The following CCDC125 variants were observed in gnomAD, a reference collection of about 807,000 sequenced individuals.
The protein encoded by CCDC125 is coiled-coil domain containing 125, also known as coiled-coil domain-containing protein 125.
CCDC125 carries 43 observed loss-of-function variants against 57.4 expected under a neutral mutation model. The observed-to-expected ratio is 0.75, with a 90% CI of 0.59 to 0.97. The LOEUF is 0.97. Ranked by LOEUF, CCDC125 falls within the 50% of genes least tolerant of loss-of-function variation. The pLI is 0.00. For missense variants in CCDC125, 563 were observed against 595.7 expected (o/e 0.95, Z 0.57); for synonymous variants, 187 against 195.2 (o/e 0.96, Z 0.35).
intron 7 of CCDC125, among the ~76,000 whole-genome samples, chr5:69,303,487 C>T (rs1233685824): frequency 6.6e-6 from 1 of 150,970 alleles, no homozygotes; most frequent in African/African-American, 2.4e-5. Context: ...GCCTCAGCCT[C>T]CTGAGTAGCT....
chr5:69,285,352 C>T lies in CCDC125; in HGVS notation c.1215G>A (p.Lys405=), dbSNP rs200502834. The stretch of plus-strand genomic sequence containing the variant: ...AGACACTAACCAAATCTATGAGCAT[C>T]TTAAGGACCTCTTGAGGACTGTCCT... ...EDQDSPQEVL[K]MLIDLLNDKE... is the part of the protein sequence containing the mutation. Residue 405 remains lysine, a synonymous_variant, in exon 11 of 12, where the codon AAG becomes AAA. Transcript: ENST00000396496. 30 of 1,610,322 alleles carry T rather than the reference C, an allele frequency of 1.9e-5. No homozygotes were observed. The highest frequency in any genetic ancestry group is 8.5e-5 in the Admixed American group (5 of 58,598).
downstream of CCDC125, chr5:69,277,075 CT>C (rs199570737): frequency 9.0e-4 from 1,282 of 1,428,614 alleles, no homozygotes; most frequent in South Asian, 2.1e-3. Flanking sequence ...ATGTGAACAA[CT>C]TTTTTTTTTC....
At chr5:69,322,425 T>C (rs1760174797) in intron 1 of CCDC125, among the ~76,000 whole-genome samples, 1 of 152,134 alleles carries the variant, frequency 6.6e-6, no homozygotes, top group Admixed American at 6.5e-5. Context: ...TGTATTTCCT[T>C]GGATCCTCAA....
chr5:69,313,820 A>G (rs1758553320), intron 3 of CCDC125, 165 bp downstream of exon 3: 6 of 831,540 alleles, frequency 7.2e-6, no homozygotes, highest in Non-Finnish European at 1.1e-5. Context: ...ACACAACTTC[A>G]TGTCGTTGAA....
intron 6 of CCDC125, among the ~76,000 whole-genome samples, chr5:69,305,864 T>G (rs543553796): frequency 1.0e-3 from 155 of 152,316 alleles, no homozygotes; most frequent in African/African-American, 3.6e-3. Context: ...TGTCTTTATT[T>G]TTATTCCCAC....
intron 8 of CCDC125, among the ~76,000 whole-genome samples, chr5:69,299,338 T>C (rs972236287): frequency 7.9e-5 from 12 of 152,136 alleles, no homozygotes; most frequent in Non-Finnish European, 2.9e-5. Context: ...CTCGATCTCC[T>C]GACCTTGTGA....
chr5:69,305,711 G>A (rs1353065570), intron 6 of CCDC125, among the ~76,000 whole-genome samples: 1 of 152,156 alleles, frequency 6.6e-6, no homozygotes, highest in African/African-American at 2.4e-5. Context: ...AGTTGTGCAA[G>A]CCTGCACCGA....
chr5:69,323,677 C>T (rs1266422744), intron 1 of CCDC125: 2 of 152,136 alleles, frequency 1.3e-5, no homozygotes, highest in Non-Finnish European at 2.9e-5. Flanking sequence ...AGCAGGACTC[C>T]ACAGCAGATA....
chr5:69,273,154 TTTTTG>T, the CCDC125 span: 9 of 763,252 alleles, frequency 1.2e-5, no homozygotes, highest in Non-Finnish European at 1.8e-5. Flanking sequence ...GAAAGATGTG[TTTTTG>T]TTTTAAGAAA....
intron 3 of CCDC125, among the ~76,000 whole-genome samples, chr5:69,312,596 C>G (rs1310409581): frequency 6.6e-6 from 1 of 152,024 alleles, no homozygotes; most frequent in Non-Finnish European, 1.5e-5. Context: ...GCCACACATA[C>G]GGGGAAGGCC....
chr5:69,301,033 G>T (rs1756337473), intron 7 of CCDC125, among the ~76,000 whole-genome samples: 1 of 141,674 alleles, frequency 7.1e-6, no homozygotes. Flanking sequence ...CCAGGAAGTT[G>T]CAGTGAGGTG....
chr5:69,330,263 A>G (rs900152691), intron 1 of CCDC125, among the ~76,000 whole-genome samples: 3 of 152,052 alleles, frequency 2.0e-5, no homozygotes, highest in Admixed American at 2.0e-4. Context: ...CACATCTCCA[A>G]CTGGATATTC....
At chr5:69,283,166 A>T (rs1330633004) in intron 11 of CCDC125, 132 bp from the exon 12 acceptor site, 1 of 648,960 alleles carries the variant, frequency 1.5e-6, no homozygotes, top group Non-Finnish European at 2.5e-6. Context: ...ATCAGTATGA[A>T]TAAATTAGGT....
chr5:69,323,904 C>G (rs931624285), intron 1 of CCDC125: 5 of 152,098 alleles, frequency 3.3e-5, no homozygotes, highest in Admixed American at 1.3e-4. Flanking sequence ...CATTTCAAAA[C>G]AGCTGCTTTG....
At position 69,285,443 on chromosome 5, in the gene CCDC125, T is replaced by G. The variant is rs1381509517; in HGVS notation, c.1124A>C (p.Lys375Thr). Residue 375 changes from lysine (K) to threonine (T), a missense_variant, in exon 11 of 12, where the codon AAG (lysine) becomes ACG (threonine). Coordinates refer to ENST00000396496, the MANE Select transcript of CCDC125 (RefSeq NM_176816.5). ...EDGFPSPRSK[K>T]TFGQRLLGML... is the part of the protein sequence containing the mutation. ...ACCCAACAGTCTCTGCCCGAAGGTC[T>G]TCTTACTCCTTGGTGATGGAAATCC... is the stretch of plus-strand genomic sequence containing the variant. 3 of 1,601,240 alleles carry G rather than the reference T, an allele frequency of 1.9e-6. No homozygotes were observed. The highest frequency in any genetic ancestry group is 1.4e-5 in the African/African-American group (1 of 74,056).
intron 1 of CCDC125, among the ~76,000 whole-genome samples, chr5:69,327,295 C>T (rs1196565702): frequency 6.6e-6 from 1 of 151,900 alleles, no homozygotes; most frequent in South Asian, 2.1e-4. Context: ...GGGGTTTCAC[C>T]GCGTTAGCCA....
chr5:69,308,072 T>G (rs762316593), intron 4 of CCDC125, 44 bp from the exon 5 acceptor site: 13 of 1,287,152 alleles, frequency 1.0e-5, no homozygotes, highest in Non-Finnish European at 1.4e-5. Context: ...AAATTTGTAA[T>G]CACTCCTATG....
In CCDC125 at chr5:69,320,366, G is replaced by A. The variant is rs749607833; in HGVS notation, c.175C>T (p.Pro59Ser). Residue 59 changes from proline to serine, a missense_variant, in exon 2 of 12, where the codon CCT becomes TCT. By Grantham distance (74) the Pro-to-Ser change is moderately conservative (BLOSUM62 -1). Transcript: ENST00000396496. ...TCTCCCTTTCTCGGAAATGGAGGAG[G>A]GCTAAAGTTCTTTCCATCTGATCTT... is the stretch of plus-strand genomic sequence containing the variant. ...RKRSDGKNFSPPPFPRKGEER... is the reference protein window; with the variant it reads ...RKRSDGKNFSSPPFPRKGEER... 2 of 1,613,930 alleles carry A rather than the reference G, an allele frequency of 1.2e-6. No homozygotes were observed. The highest frequency in any genetic ancestry group is 3.3e-5 in the Admixed American group (2 of 59,998).
At chr5:69,325,583 T>C (rs1760628122) in intron 1 of CCDC125, among the ~76,000 whole-genome samples, 1 of 150,930 alleles carries the variant, frequency 6.6e-6, no homozygotes, top group African/African-American at 2.4e-5. Flanking sequence ...CCCAGCTCTT[T>C]GGAAGGTCGA....
Sources: allele counts gnomAD v4.1 joint callset (sites outside exome capture counted in the v4.1 genomes callset), GRCh38; gene constraint gnomAD v4.1.1; transcripts MANE v1.5; gene names NCBI Gene and HGNC (gene_info 2026-07-23, HGNC 2026-07-21).